DTNB: variants seen among roughly 807,000 people sequenced by gnomAD.
DTNB encodes the protein DTN-B.
Under a neutral mutation model 90.7 loss-of-function variants are expected in DTNB, and 63 were observed. The ratio of observed to expected loss-of-function variants is 0.69; its 90% CI spans 0.57 to 0.86. The LOEUF (loss-of-function observed/expected upper bound fraction) is 0.86, where lower values mean the gene tolerates loss of function less well. Among genes scored for constraint, DTNB ranks in the 40% least tolerant of loss-of-function variants. DTNB has a pLI of 0.00. For missense variants in DTNB, 744 were observed against 807.1 expected, an observed-to-expected ratio of 0.92 and a Z score of 0.95; for synonymous variants, 277 against 286.7, an observed-to-expected ratio of 0.97 and a Z score of 0.34.
chr2:25,592,418 A>G (rs764910785), intron 6 of DTNB, among the ~76,000 whole-genome samples: 5 of 152,136 alleles, frequency 3.3e-5, no homozygotes, highest in Non-Finnish European at 5.9e-5. Context: ...GATACTCCAA[A>G]TATCTTTACC....
intron 16 of DTNB, among the ~76,000 whole-genome samples, chr2:25,400,382 A>C (rs2043410458): frequency 1.3e-5 from 2 of 152,264 alleles, no homozygotes; most frequent in South Asian, 4.1e-4. Flanking sequence ...ATGTTCAGAG[A>C]GGCAGGCCCT....
At chr2:25,381,220 CGT>C (rs141641840) in intron 19 of DTNB, among the ~76,000 whole-genome samples, 122 of 152,136 alleles carry the variant, frequency 8.0e-4, no homozygotes, top group Middle Eastern at 3.4e-3. Context: ...TGTGTGTGCG[CGT>C]GTTTGCAGCA....
chr2:25,474,321 A>C (rs1211489017), intron 10 of DTNB, among the ~76,000 whole-genome samples: 2 of 152,038 alleles, frequency 1.3e-5, no homozygotes, highest in East Asian at 3.8e-4. Context: ...TGGAGAAAAA[A>C]CTATTCTTGT....
At chr2:25,507,479 T>C (rs968879735) in intron 9 of DTNB, among the ~76,000 whole-genome samples, 1 of 152,162 alleles carries the variant, frequency 6.6e-6, no homozygotes, top group African/African-American at 2.4e-5. Context: ...CTCATCACCA[T>C]CCTTCCAGCT....
intron 8 of DTNB, among the ~76,000 whole-genome samples, chr2:25,537,427 T>A (rs1260042347): frequency 6.6e-6 from 1 of 152,048 alleles, no homozygotes; most frequent in Non-Finnish European, 1.5e-5. Flanking sequence ...AATCAATACA[T>A]CAAGATGAAT....
chr2:25,549,402 T>C (rs1242934790), intron 8 of DTNB, among the ~76,000 whole-genome samples: 2 of 152,132 alleles, frequency 1.3e-5, no homozygotes, highest in African/African-American at 2.4e-5. Flanking sequence ...ATATTTTATA[T>C]CTAACTTGTC....
intron 8 of DTNB, among the ~76,000 whole-genome samples, chr2:25,566,916 C>T (rs757641474): frequency 6.6e-6 from 1 of 152,084 alleles, no homozygotes; most frequent in Non-Finnish European, 1.5e-5. Flanking sequence ...TGGGCTGAGG[C>T]AGGAAGTACA....
chr2:25,388,838 A>G (rs1222991740), intron 16 of DTNB, among the ~76,000 whole-genome samples: 4 of 140,076 alleles, frequency 2.9e-5, no homozygotes, highest in African/African-American at 1.2e-4. Context: ...GTGTATGTAT[A>G]TATTTATATA....
intron 12 of DTNB, among the ~76,000 whole-genome samples, chr2:25,439,155 T>C (rs1435352423): frequency 6.6e-6 from 1 of 152,158 alleles, no homozygotes; most frequent in East Asian, 1.9e-4. Flanking sequence ...TAATAATGTA[T>C]CAATATTGCT....
intron 6 of DTNB, among the ~76,000 whole-genome samples, chr2:25,594,575 G>A (rs917267374): frequency 6.6e-6 from 1 of 152,164 alleles, no homozygotes; most frequent in East Asian, 1.9e-4. Context: ...TTTTTCATTC[G>A]TTTTTGAATC....
At chr2:25,390,811 A>G (rs2149561333) in intron 16 of DTNB, among the ~76,000 whole-genome samples, 1 of 152,318 alleles carries the variant, frequency 6.6e-6, no homozygotes, top group East Asian at 1.9e-4. Flanking sequence ...GAATTAGTCA[A>G]TAACTTAAAC....
chr2:25,583,583 G>A (rs913958934), intron 6 of DTNB, among the ~76,000 whole-genome samples: 7 of 151,436 alleles, frequency 4.6e-5, no homozygotes, highest in African/African-American at 9.7e-5. Context: ...GTGCAGTGGC[G>A]CAACCTTGGC....
rs930295349 is a variant in DTNB, at chr2:25,533,611, C to T, written c.877-2014G>A. 2.6e-5 allele frequency among the ~76,000 whole-genome samples: 4 copies of T among 152,220 alleles called. 1 individual carries two copies. Among genetic ancestry groups the T allele is most frequent in the African/African-American group, 9.6e-5 (4 of 41,460 alleles). On this transcript the variant is annotated intron_variant, in intron 8 of 20. Coordinates refer to ENST00000406818, the MANE Select transcript of DTNB (RefSeq NM_021907.5). The stretch of plus-strand genomic sequence containing the variant: ...CCTTCATTTTCCATACAAAAGCTTT[C>T]ACACCTGACTCCTGCCTCTCTCTCT...
At chr2:25,538,624 G>C (rs958240062) in intron 8 of DTNB, among the ~76,000 whole-genome samples, 1 of 151,892 alleles carries the variant, frequency 6.6e-6, no homozygotes, top group African/African-American at 2.4e-5. Flanking sequence ...GCTAATTTTT[G>C]TATTTTTAGT....
intron 8 of DTNB, among the ~76,000 whole-genome samples, chr2:25,533,461 T>A (rs2078674882): frequency 6.6e-6 from 1 of 152,236 alleles, no homozygotes. Context: ...CAACAAGTCG[T>A]GATGTGACGC....
chr2:25,393,677 A>G (rs2041736227), intron 16 of DTNB, among the ~76,000 whole-genome samples: 1 of 152,170 alleles, frequency 6.6e-6, no homozygotes, highest in Admixed American at 6.5e-5. Context: ...ACTTAGGAAT[A>G]TACCTAACTA....
intron 17 of DTNB, among the ~76,000 whole-genome samples, chr2:25,388,001 T>C (rs1008820868): frequency 6.6e-6 from 1 of 152,138 alleles, no homozygotes; most frequent in African/African-American, 2.4e-5. Context: ...TTGGCACACA[T>C]AGGAAGCCTG....
intron 8 of DTNB, among the ~76,000 whole-genome samples, chr2:25,576,350 C>T (rs1453943494): frequency 1.3e-5 from 2 of 151,518 alleles, no homozygotes; most frequent in East Asian, 1.9e-4. Flanking sequence ...CTCAGCCTCC[C>T]GAGTAGCTGG....
intron 9 of DTNB, among the ~76,000 whole-genome samples, chr2:25,508,127 A>AATTT (rs1208183363): frequency 6.6e-6 from 1 of 152,134 alleles, no homozygotes; most frequent in Admixed American, 6.5e-5. Flanking sequence ...TCTAATATAT[A>AATTT]ATTTATTTAT....
Sources: allele counts gnomAD v4.1 joint callset (sites outside exome capture counted in the v4.1 genomes callset), GRCh38; gene constraint gnomAD v4.1.1; transcripts MANE v1.5; gene names NCBI Gene and HGNC (gene_info 2026-07-23, HGNC 2026-07-21).